RPTOR: variants seen among roughly 807,000 people sequenced by gnomAD.
RPTOR encodes the protein regulatory associated protein of MTOR complex 1, also known as regulatory-associated protein of mTOR.
In RPTOR, 21 loss-of-function variants were observed where a neutral mutation model predicts 169.9. The observed-to-expected ratio is 0.12, with a 90% confidence interval of 0.09 to 0.18. The LOEUF (loss-of-function observed/expected upper bound fraction) is 0.18. Ranked by LOEUF, RPTOR falls within the 10% of genes least tolerant of loss-of-function variation. RPTOR has a pLI of 1.00. For synonymous variants in RPTOR, 732 were observed against 753.2 expected (o/e 0.97, Z 0.46); for missense variants, 1,133 against 1,855.9 (o/e 0.61, Z 7.16).
chr17:80,785,573 C>T lies in RPTOR; in HGVS notation c.831-5877C>T, dbSNP rs569470512. Among the ~76,000 whole-genome samples, 3 of 152,224 alleles carry T rather than the reference C, an allele frequency of 2.0e-5. No homozygotes were observed. In the South Asian group the frequency reaches 6.2e-4, roughly 32 times the overall value. On this transcript the variant is annotated intron_variant, in intron 6 of 33. Transcript: ENST00000306801. ...GTCCTCGAATCACAGCAGGTTGTGT[C>T]GGTTGCCATTAGTGAAAACTGGTTT... is the stretch of plus-strand genomic sequence containing the variant.
chr17:80,706,103 A>G (rs551972746), intron 3 of RPTOR, among the ~76,000 whole-genome samples: 3 of 152,346 alleles, frequency 2.0e-5, no homozygotes, highest in East Asian at 3.9e-4. Context: ...AGTGATGAAC[A>G]TACACATCAC....
At chr17:80,958,557 C>T (rs1207339487) in intron 29 of RPTOR, among the ~76,000 whole-genome samples, 2 of 151,686 alleles carry the variant, frequency 1.3e-5, no homozygotes, top group African/African-American at 4.8e-5. Context: ...ACTACAAGCG[C>T]CCACCACCAC....
chr17:80,682,917 C>T (rs138837649), intron 3 of RPTOR, among the ~76,000 whole-genome samples: 52 of 152,266 alleles, frequency 3.4e-4, no homozygotes, highest in Non-Finnish European at 6.6e-4. Flanking sequence ...TCTCCTGCCT[C>T]AGCCTCCTGA....
intron 20 of RPTOR, among the ~76,000 whole-genome samples, chr17:80,902,501 A>G (rs1393461056): frequency 6.6e-6 from 1 of 152,152 alleles, no homozygotes; most frequent in Non-Finnish European, 1.5e-5. Context: ...TGATGTCGCC[A>G]TTTTTACCAC....
At position 80,695,154 on chromosome 17, in the gene RPTOR, A is replaced by G. The variant is rs981178388; in HGVS notation, c.349-12687A>G. Among the ~76,000 whole-genome samples the G allele has an allele frequency of 6.6e-6, 1 of 152,128 alleles. No individual in the cohort carries two copies. On this transcript the variant is annotated intron_variant, in intron 3 of 33. Coordinates refer to ENST00000306801, the MANE Select transcript of RPTOR (RefSeq NM_020761.3). The surrounding 1 kb of genome is among the most constrained non-coding windows in gnomAD (Gnocchi z 4.9). ...CAGGAGCGATGGCAGTGCCCACTGC[A>G]TGGTGGTAAGAGTGAGGCGGGTAGA...
chr17:80,854,142 A>G (rs911749651), intron 11 of RPTOR, among the ~76,000 whole-genome samples: 1 of 152,224 alleles, frequency 6.6e-6, no homozygotes, highest in South Asian at 2.1e-4. Context: ...TTACTGGGGA[A>G]ATGGCCCATC....
chr17:80,898,459 A>G (rs914873284), intron 20 of RPTOR, among the ~76,000 whole-genome samples: 4 of 151,834 alleles, frequency 2.6e-5, no homozygotes, highest in Non-Finnish European at 5.9e-5. Flanking sequence ...TTACTGCATT[A>G]TTTTATCTTT....
chr17:80,644,003 G>A (rs923775994), intron 3 of RPTOR, among the ~76,000 whole-genome samples, 193 bp downstream of exon 3: 3 of 152,250 alleles, frequency 2.0e-5, no homozygotes, highest in African/African-American at 4.8e-5. Flanking sequence ...TCTTGACAGC[G>A]TCCGCATTAT....
At chr17:80,588,414 C>T (rs995911919) in intron 1 of RPTOR, among the ~76,000 whole-genome samples, 1 of 152,190 alleles carries the variant, frequency 6.6e-6, no homozygotes, top group South Asian at 2.1e-4. Context: ...CTGCCCTCCT[C>T]AGCCTCCCAG....
rs373301411 is a variant in RPTOR, at chr17:80,957,607, C to T, written c.3371-17C>T. The T allele has an allele frequency of 6.2e-7, 1 of 1,611,680 alleles. No individual in the cohort carries two copies. Among genetic ancestry groups the T allele is most frequent in the Non-Finnish European group, 8.5e-7 (1 of 1,177,868 alleles). ...AGGGCCCATGGGGTGATGCCATGTC[C>T]CACTGTATCTCTCCAGGAGCTGGGA... On this transcript the variant is annotated splice_polypyrimidine_tract_variant and intron_variant, in intron 28 of 33. Transcript: ENST00000306801. This position sits in a 1 kb window ranked among gnomAD's most constrained non-coding sequence, Gnocchi z 4.6.
At chr17:80,701,172 C>T (rs1024675189) in intron 3 of RPTOR, among the ~76,000 whole-genome samples, 10 of 152,148 alleles carry the variant, frequency 6.6e-5, no homozygotes, top group Non-Finnish European at 1.0e-4. Context: ...GCTGAAAGGC[C>T]TCAGACACAC....
chr17:80,724,136 G>A (rs2066310014), intron 4 of RPTOR, among the ~76,000 whole-genome samples: 1 of 151,280 alleles, frequency 6.6e-6, no homozygotes, highest in Non-Finnish European at 1.5e-5. Flanking sequence ...CATTTGACTT[G>A]GCAAGCCCAA....
At chr17:80,649,651 G>C (rs1185545978) in intron 3 of RPTOR, among the ~76,000 whole-genome samples, 1 of 152,138 alleles carries the variant, frequency 6.6e-6, no homozygotes, top group African/African-American at 2.4e-5. Context: ...GGTGGTCTTG[G>C]GGTTAACTGT....
intron 2 of RPTOR, 41 bp downstream of exon 2, chr17:80,625,834 G>A (rs758630111): frequency 7.1e-7 from 1 of 1,411,740 alleles, no homozygotes; most frequent in Non-Finnish European, 1.0e-6. Context: ...AAGGCCGTCT[G>A]GCCGGCTCTG....
In RPTOR at chr17:80,861,635, G is replaced by A. The variant is rs768137262; in HGVS notation, c.1509+3735G>A. Among the ~76,000 whole-genome samples, 1 of 152,140 alleles carries A rather than the reference G, an allele frequency of 6.6e-6. No homozygotes were observed. The highest frequency in any genetic ancestry group is 6.5e-5 in the Admixed American group (1 of 15,276). ...GTAGGGGCTCTGGGATGCACAAAACGGTGACCCTCACATGACACAAAGCCC... is the reference window on the plus strand; with the variant it reads ...GTAGGGGCTCTGGGATGCACAAAACAGTGACCCTCACATGACACAAAGCCC... On this transcript the variant is annotated intron_variant, in intron 13 of 33. Coordinates refer to ENST00000306801, the MANE Select transcript of RPTOR (RefSeq NM_020761.3). This position sits in a 1 kb window ranked among gnomAD's most constrained non-coding sequence, Gnocchi z 4.5.
intron 1 of RPTOR, among the ~76,000 whole-genome samples, chr17:80,587,890 A>G (rs2065074934): frequency 6.6e-6 from 1 of 151,978 alleles, no homozygotes; most frequent in African/African-American, 2.4e-5. Flanking sequence ...CTCTCTGTCC[A>G]ACTGAAGGCT....
chr17:80,660,522 T>C (rs1476612006), intron 3 of RPTOR, among the ~76,000 whole-genome samples: 2 of 152,048 alleles, frequency 1.3e-5, no homozygotes, highest in Admixed American at 6.5e-5. Context: ...AGGAGCAGAG[T>C]TGGGGACAAG....
At chr17:80,663,538 A>G (rs2065740552) in intron 3 of RPTOR, among the ~76,000 whole-genome samples, 1 of 152,180 alleles carries the variant, frequency 6.6e-6, no homozygotes, top group Non-Finnish European at 1.5e-5. Context: ...TAGGTGAGAT[A>G]TTGACATTAT....
chr17:80,820,567 G>C lies in RPTOR; in HGVS notation c.891-1634G>C, dbSNP rs143154262. Among the ~76,000 whole-genome samples the C allele has an allele frequency of 6.6e-6, 1 of 152,018 alleles. No individual in the cohort carries two copies. Among genetic ancestry groups the C allele is most frequent in the Non-Finnish European group, 1.5e-5 (1 of 67,988 alleles). ...GTGTGCCCCACCCTCACATTCCTCC[G>C]TGGGGCCAAGCTCTGTCGTAGGTTG... On this transcript the variant is annotated intron_variant, in intron 7 of 33. Transcript: ENST00000306801. The surrounding 1 kb of genome is among the most constrained non-coding windows in gnomAD (Gnocchi z 4.1).
Sources: gnomAD v4.1 joint callset for allele counts (sites outside exome capture counted in the v4.1 genomes callset) on GRCh38, gnomAD v4.1.1 for gene constraint, Gnocchi (gnomAD v3.1) non-coding constraint, MANE v1.5 for transcripts, NCBI Gene and HGNC (gene_info 2026-07-23, HGNC 2026-07-21) for gene names.